RRAS2: variants seen among roughly 807,000 people sequenced by gnomAD.
RRAS2 encodes ras-related protein R-Ras2.
Under a neutral mutation model 27.6 loss-of-function variants are expected in RRAS2, and 7 were observed. The ratio of observed to expected loss-of-function variants is 0.25; its 90% confidence interval spans 0.14 to 0.48. The LOEUF (loss-of-function observed/expected upper bound fraction) is 0.48, where lower values mean the gene tolerates loss of function less well. RRAS2 is among the 20% of genes least tolerant of loss of function. The probability of loss-of-function intolerance (pLI) is 0.99; values close to 1 mark genes in which losing one functional copy is unlikely to be tolerated. For synonymous variants in RRAS2, 86 were observed against 90.9 expected (o/e 0.95, Z 0.31); for missense variants, 178 against 256.2 (o/e 0.69, Z 2.08).
chr11:14,279,529 C>A, intron 5 of RRAS2, 105 bp from the exon 6 acceptor site: 1 of 849,608 alleles, frequency 1.2e-6, no homozygotes, highest in Non-Finnish European at 1.9e-6. Flanking sequence ...GTATGCTTTT[C>A]AGTGTTAAAC....
At chr11:14,347,007 A>T (rs1305154802) in intron 1 of RRAS2, among the ~76,000 whole-genome samples, 1 of 152,042 alleles carries the variant, frequency 6.6e-6, no homozygotes, top group Non-Finnish European at 1.5e-5. Flanking sequence ...AAAAATAAAA[A>T]AGTTAGACGG....
upstream of RRAS2, among the ~76,000 whole-genome samples, chr11:14,363,316 A>G (rs1554956340): frequency 6.6e-6 from 1 of 152,128 alleles, no homozygotes; most frequent in African/African-American, 2.4e-5. Flanking sequence ...GTGCTTCCAA[A>G]TCCCCTGTAG....
chr11:14,279,958 C>G (rs1364051087), intron 5 of RRAS2, among the ~76,000 whole-genome samples: 1 of 152,070 alleles, frequency 6.6e-6, no homozygotes, highest in East Asian at 1.9e-4. Context: ...AAAAACAAAA[C>G]AAACAAAAAA....
chr11:14,358,284 GCGCGGGGAAGCCCGGAGACCA>G lies in RRAS2; in HGVS notation c.108+458_108+478del, dbSNP rs1420320910. 1 of 985,400 alleles carries G rather than the reference GCGCGGGGAAGCCCGGAGACCA, an allele frequency of 1.0e-6. No homozygotes were observed. Among genetic ancestry groups the G allele is most frequent in the Non-Finnish European group, 1.2e-6 (1 of 829,988 alleles). The allele number at this position is 985,400 out of a possible 1,614,324, so 61.0% of individuals were successfully genotyped here. On this transcript the variant is annotated intron_variant, in intron 1 of 5. Transcript: ENST00000256196. The surrounding 1 kb of genome is among the most constrained non-coding windows in gnomAD (Gnocchi z 5.1). The stretch of plus-strand genomic sequence containing the variant: ...GAAGCGGGCAGCTCCGGCTCAGGCG[GCGCGGGGAAGCCCGGAGACCA>G]CGCGGAGCCGCGGCCAAGTTGCCAC...
At chr11:14,336,313 C>A (rs1168840895) in intron 1 of RRAS2, among the ~76,000 whole-genome samples, 3 of 152,006 alleles carry the variant, frequency 2.0e-5, no homozygotes, top group Admixed American at 2.0e-4. Flanking sequence ...CAGAGCCACA[C>A]AACAAAATAT....
intron 1 of RRAS2, among the ~76,000 whole-genome samples, chr11:14,335,545 A>G (rs2134015864): frequency 6.6e-6 from 1 of 152,330 alleles, no homozygotes; most frequent in South Asian, 2.1e-4. Flanking sequence ...CAAAATCAAA[A>G]CTTCAGAAGA....
intron 1 of RRAS2, among the ~76,000 whole-genome samples, chr11:14,345,828 T>C (rs1564981473): frequency 6.6e-6 from 1 of 152,172 alleles, no homozygotes; most frequent in South Asian, 2.1e-4. Flanking sequence ...AACGTCAACT[T>C]GCTGTTTAGC....
chr11:14,307,196 C>CAAACCAAAAA, intron 1 of RRAS2, among the ~76,000 whole-genome samples: 1 of 133,854 alleles, frequency 7.5e-6, no homozygotes, highest in South Asian at 2.4e-4. Context: ...CCCCCTCCCC[C>CAAACCAAAAA]AAACCAAAAA....
At position 14,327,568 on chromosome 11, in the gene RRAS2, A is replaced by G. The variant is rs189175576; in HGVS notation, c.108+31195T>C. Among the ~76,000 whole-genome samples, 3 of 152,334 alleles carry G rather than the reference A, an allele frequency of 2.0e-5. No homozygotes were observed. The East Asian group carries it at 5.8e-4, about 29-fold the overall frequency. On this transcript the variant is annotated intron_variant, in intron 1 of 5. Transcript: ENST00000256196. ...TGTACTAGTAAACTTACATTGCCTGAGCATCTTTCTCTACCCCCCTTTCTC... is the reference window on the plus strand; with the variant it reads ...TGTACTAGTAAACTTACATTGCCTGGGCATCTTTCTCTACCCCCCTTTCTC...
chr11:14,351,768 G>A (rs1192328842), intron 1 of RRAS2, among the ~76,000 whole-genome samples: 7 of 151,522 alleles, frequency 4.6e-5, no homozygotes, highest in Non-Finnish European at 8.8e-5. Flanking sequence ...GGTGGTGGGC[G>A]CCTGTAATCT....
chr11:14,356,749 G>GT (rs782410197), intron 1 of RRAS2: 1 of 451,950 alleles, frequency 2.2e-6, no homozygotes, highest in South Asian at 1.6e-5. Context: ...CACAGTGGAG[G>GT]TATTTCTTCA....
chr11:14,338,100 T>C (rs1386207452), intron 1 of RRAS2, among the ~76,000 whole-genome samples: 1 of 151,942 alleles, frequency 6.6e-6, no homozygotes, highest in East Asian at 1.9e-4. Flanking sequence ...AACAGGAAAA[T>C]AAAGGGACAT....
rs1554955785 is a variant in RRAS2, at chr11:14,358,437, C to G, written c.108+326G>C. ...GGACCCTCGGAGCAGTAAAGCCCGG[C>G]TCGGTGGCCCAGCCTCTCCCGGAGG... On this transcript the variant is annotated intron_variant, in intron 1 of 5. Coordinates refer to ENST00000256196, the MANE Select transcript of RRAS2 (RefSeq NM_012250.6). The surrounding 1 kb of genome is among the most constrained non-coding windows in gnomAD (Gnocchi z 5.1). 1 of 985,390 alleles carries G rather than the reference C, an allele frequency of 1.0e-6. No individual in the cohort carries two copies. Among genetic ancestry groups the G allele is most frequent in the Non-Finnish European group, 1.2e-6 (1 of 830,040 alleles). 61.0% of individuals were successfully genotyped at this position (985,390 alleles called of 1,614,324 possible). A position where few individuals can be genotyped will look rare whatever the true frequency, so the allele number is the denominator to read the frequency against.
chr11:14,280,238 T>C, intron 5 of RRAS2, among the ~76,000 whole-genome samples: 1 of 152,020 alleles, frequency 6.6e-6, no homozygotes, highest in Non-Finnish European at 1.5e-5. Flanking sequence ...TCGCCATCCA[T>C]CTCCAGATCT....
chr11:14,300,245 T>C (rs766762221), intron 1 of RRAS2, among the ~76,000 whole-genome samples: 1 of 152,120 alleles, frequency 6.6e-6, no homozygotes, highest in Non-Finnish European at 1.5e-5. Context: ...TACCCTCCCA[T>C]TCAAAGGGCA....
At chr11:14,349,525 G>C (rs1281861347) in intron 1 of RRAS2, among the ~76,000 whole-genome samples, 3 of 152,012 alleles carry the variant, frequency 2.0e-5, no homozygotes, top group African/African-American at 7.2e-5. Flanking sequence ...TCAAACATCA[G>C]AGTTCATTTT....
At chr11:14,339,345 A>AT (rs1848653218) in intron 1 of RRAS2, among the ~76,000 whole-genome samples, 2 of 148,166 alleles carry the variant, frequency 1.3e-5, no homozygotes, top group South Asian at 4.3e-4. Flanking sequence ...AGACCGATCC[A>AT]TTTTTTGTTT....
intron 1 of RRAS2, among the ~76,000 whole-genome samples, chr11:14,331,138 G>T (rs1448314791): frequency 3.3e-5 from 5 of 152,120 alleles, no homozygotes; most frequent in Admixed American, 3.3e-4. Context: ...ATATGAAGAT[G>T]AACATACTAC....
intron 1 of RRAS2, chr11:14,341,878 C>A (rs1428562917): frequency 1.5e-5 from 7 of 451,854 alleles, no homozygotes; most frequent in Admixed American, 1.4e-4. Context: ...CAATAATATT[C>A]CCCTCTCTCC....
Sources: allele counts gnomAD v4.1 joint callset (sites outside exome capture counted in the v4.1 genomes callset), GRCh38; gene constraint gnomAD v4.1.1; non-coding constraint Gnocchi (gnomAD v3.1); transcripts MANE v1.5; gene names NCBI Gene and HGNC (gene_info 2026-07-23, HGNC 2026-07-21).